The following AGBL4 variants were observed in gnomAD, a reference collection of about 807,000 sequenced individuals.
The protein encoded by AGBL4 is cytosolic carboxypeptidase 6.
A neutral mutation model predicts 66.4 loss-of-function variants in AGBL4; 58 were observed. The observed-to-expected ratio is 0.87, with a 90% CI of 0.71 to 1.09. The LOEUF (loss-of-function observed/expected upper bound fraction) is 1.09. AGBL4 is among the 50% of genes least tolerant of loss of function. The pLI is 0.00. For missense variants in AGBL4, 579 were observed against 631.0 expected (o/e 0.92, Z 0.88); for synonymous variants, 234 against 222.9 (o/e 1.05, Z -0.44).
intron 3 of AGBL4, among the ~76,000 whole-genome samples, chr1:49,270,092 C>T (rs570205163): frequency 7.9e-5 from 12 of 152,232 alleles, no homozygotes; most frequent in Non-Finnish European, 7.4e-5. Flanking sequence ...TTTTGATTAA[C>T]GGGAGAAAAG....
chr1:49,393,869 A>G (rs1015698658), intron 3 of AGBL4, among the ~76,000 whole-genome samples: 5 of 152,178 alleles, frequency 3.3e-5, no homozygotes, highest in African/African-American at 9.7e-5. Flanking sequence ...CATTTACTTG[A>G]TTACTCACAA....
chr1:49,109,132 T>C (rs1238611247), intron 4 of AGBL4, among the ~76,000 whole-genome samples: 4 of 152,204 alleles, frequency 2.6e-5, no homozygotes, highest in Non-Finnish European at 5.9e-5. Flanking sequence ...CTGCTCTAAG[T>C]GTAATAGCAG....
chr1:48,636,212 C>T (rs1187270056), intron 8 of AGBL4, among the ~76,000 whole-genome samples: 2 of 152,070 alleles, frequency 1.3e-5, no homozygotes, highest in Admixed American at 6.5e-5. Context: ...AAATGGTCCT[C>T]AATATAGAAA....
intron 1 of AGBL4, among the ~76,000 whole-genome samples, chr1:49,982,828 C>T (rs1344651640): frequency 6.6e-6 from 1 of 151,854 alleles, no homozygotes; most frequent in Non-Finnish European, 1.5e-5. Context: ...ATCCAGACGA[C>T]CAGCTATGGA....
intron 6 of AGBL4, among the ~76,000 whole-genome samples, chr1:48,701,344 G>C (rs1475577610): frequency 1.4e-5 from 2 of 147,800 alleles, no homozygotes; most frequent in Non-Finnish European, 3.0e-5. Context: ...GACTCTGTGT[G>C]ACCATAGGCA....
At chr1:49,441,744 G>C (rs1163953578) in intron 3 of AGBL4, among the ~76,000 whole-genome samples, 1 of 152,142 alleles carries the variant, frequency 6.6e-6, no homozygotes, top group Non-Finnish European at 1.5e-5. Flanking sequence ...GGTGGCAGGG[G>C]CCAAGTGCTT....
chr1:50,009,249 A>T (rs1294870426), intron 1 of AGBL4, among the ~76,000 whole-genome samples: 1 of 152,218 alleles, frequency 6.6e-6, no homozygotes, highest in Admixed American at 6.5e-5. Flanking sequence ...ACAGAAATTG[A>T]TGCAAAAATC....
chr1:49,453,298 A>C (rs1048916903), intron 3 of AGBL4, among the ~76,000 whole-genome samples: 5 of 151,922 alleles, frequency 3.3e-5, no homozygotes, highest in Non-Finnish European at 7.4e-5. Flanking sequence ...AATTCCAATC[A>C]GAAGTTTGCA....
rs1856322 is a variant in AGBL4, at chr1:49,391,782, T to C, written c.283-145918A>G. 8.2e-3 allele frequency among the ~76,000 whole-genome samples: 1,250 copies of C among 152,046 alleles called. 9 individuals are homozygous for C. The highest frequency in any genetic ancestry group is 0.031 in the Middle Eastern group (9 of 294). On this transcript the variant is annotated intron_variant, in intron 3 of 13. Coordinates refer to ENST00000371839, the MANE Select transcript of AGBL4 (RefSeq NM_032785.4). Reference sequence around the variant, plus strand: ...TTCACTGTGTTAGCCAGGATGGTCTTGATCTCCTGACCTCGTGATCTGCCC... The same window carrying C: ...TTCACTGTGTTAGCCAGGATGGTCTCGATCTCCTGACCTCGTGATCTGCCC...
intron 2 of AGBL4, among the ~76,000 whole-genome samples, chr1:49,742,838 T>C (rs560948545): frequency 6.6e-6 from 1 of 152,172 alleles, no homozygotes; most frequent in Non-Finnish European, 1.5e-5. Context: ...CTGGGAAAAC[T>C]GGCTAGCCAT....
intron 11 of AGBL4, among the ~76,000 whole-genome samples, chr1:48,558,013 A>C (rs1354314904): frequency 6.6e-6 from 1 of 152,218 alleles, no homozygotes; most frequent in Non-Finnish European, 1.5e-5. Context: ...AAAGTAAAGG[A>C]ATAAATAAAT....
At chr1:49,428,078 T>C (rs575240726) in intron 3 of AGBL4, among the ~76,000 whole-genome samples, 18 of 152,302 alleles carry the variant, frequency 1.2e-4, no homozygotes, top group African/African-American at 3.1e-4. Flanking sequence ...TATAATCCTT[T>C]AGCTAGACAG....
intron 1 of AGBL4, among the ~76,000 whole-genome samples, chr1:49,886,817 A>G (rs1041618691): frequency 6.6e-6 from 1 of 152,132 alleles, no homozygotes; most frequent in Non-Finnish European, 1.5e-5. Context: ...CCCAAATTAG[A>G]CTTGCACTTC....
chr1:48,867,248 C>G lies in AGBL4; in HGVS notation c.595-18G>C. On this transcript the variant is annotated intron_variant, in intron 5 of 13. Coordinates refer to ENST00000371839, the MANE Select transcript of AGBL4 (RefSeq NM_032785.4). Reference sequence around the variant, plus strand: ...CGTTGTTGCTGCAAAAGAAAACACACTGTGAGGGCACTGATTTGAGCCAGA... The same window carrying G: ...CGTTGTTGCTGCAAAAGAAAACACAGTGTGAGGGCACTGATTTGAGCCAGA... The G allele has an allele frequency of 6.2e-7, 1 of 1,613,024 alleles. No homozygotes were observed. The highest frequency in any genetic ancestry group is 8.5e-7 in the Non-Finnish European group (1 of 1,179,586).
intron 5 of AGBL4, among the ~76,000 whole-genome samples, chr1:48,899,121 C>T (rs1651836324): frequency 1.3e-5 from 2 of 152,340 alleles, no homozygotes; most frequent in African/African-American, 4.8e-5. Flanking sequence ...CGTCGTGAAG[C>T]CCCCGACAGG....
At chr1:48,978,194 G>T (rs925681586) in intron 5 of AGBL4, among the ~76,000 whole-genome samples, 8 of 152,132 alleles carry the variant, frequency 5.3e-5, no homozygotes, top group Admixed American at 2.0e-4. Context: ...TGTGAGTATA[G>T]GTAAGTAACC....
At chr1:49,062,650 G>T (rs1486740141) in intron 4 of AGBL4, among the ~76,000 whole-genome samples, 2 of 152,172 alleles carry the variant, frequency 1.3e-5, no homozygotes, top group African/African-American at 4.8e-5. Flanking sequence ...ACCCCTAGAA[G>T]AGATGCAGAG....
chr1:48,764,849 A>T (rs1237311218), intron 6 of AGBL4, among the ~76,000 whole-genome samples: 2 of 152,216 alleles, frequency 1.3e-5, no homozygotes, highest in Non-Finnish European at 2.9e-5. Flanking sequence ...GCAGCGGATG[A>T]CAGAGCTCAG....
At chr1:49,291,704 G>C (rs766035294) in intron 3 of AGBL4, among the ~76,000 whole-genome samples, 1 of 152,198 alleles carries the variant, frequency 6.6e-6, no homozygotes, top group African/African-American at 2.4e-5. Context: ...TTTTGATCAG[G>C]GTCATGGTAA....
Sources: gnomAD v4.1 joint callset for allele counts (sites outside exome capture counted in the v4.1 genomes callset) on GRCh38, gnomAD v4.1.1 for gene constraint, MANE v1.5 for transcripts, NCBI Gene and HGNC (gene_info 2026-07-23, HGNC 2026-07-21) for gene names.